Variants in RPS6KA2 observed in about 807,000 individuals in gnomAD.
The protein encoded by RPS6KA2 is ribosomal protein S6 kinase A2, also known as ribosomal protein S6 kinase alpha-2.
In RPS6KA2, 42 loss-of-function variants were observed where a neutral mutation model predicts 91.8. The observed-to-expected ratio is 0.46, with a 90% CI of 0.36 to 0.59. RPS6KA2 has a LOEUF of 0.59. Ranked by LOEUF, RPS6KA2 falls within the 20% of genes least tolerant of loss-of-function variation. The probability of loss-of-function intolerance (pLI) is 0.00; values close to 1 mark genes in which losing one functional copy is unlikely to be tolerated. For synonymous variants in RPS6KA2, 414 were observed against 393.6 expected (o/e 1.05, Z -0.61); for missense variants, 798 against 978.5 (o/e 0.82, Z 2.46).
rs549196497 is a variant in RPS6KA2 at position 166,841,179 on chromosome 6, G to A, written c.123+17021C>T. 3.3e-5 allele frequency among the ~76,000 whole-genome samples: 5 copies of A among 151,640 alleles called. No homozygotes were observed. The South Asian group carries it at 1.0e-3, about 32-fold the overall frequency. ...TCAGGAGGCTGAGGCAGGAGGATCA[G>A]CAGAGCCCAGGAAGTTGAGGGTGAG... On this transcript the variant is annotated intron_variant, in intron 2 of 21. Transcript: ENST00000503859.
chr6:166,659,246 C>G (rs1030171552), intron 2 of RPS6KA2, among the ~76,000 whole-genome samples: 3 of 152,056 alleles, frequency 2.0e-5, no homozygotes, highest in African/African-American at 7.2e-5. Flanking sequence ...AATTAAAAAC[C>G]AAAATTAAAA....
chr6:166,588,009 A>G (rs2128519937), intron 1 of RPS6KA2, among the ~76,000 whole-genome samples: 1 of 152,336 alleles, frequency 6.6e-6, no homozygotes, highest in African/African-American at 2.4e-5. Flanking sequence ...TGCAGCATAA[A>G]ATGAATGAAA....
At chr6:166,833,401 A>G (rs1780236181) in intron 2 of RPS6KA2, among the ~76,000 whole-genome samples, 1 of 152,258 alleles carries the variant, frequency 6.6e-6, no homozygotes, top group Non-Finnish European at 1.5e-5. Flanking sequence ...AGTCAGATTT[A>G]TTGAAGTTTA....
At chr6:166,575,461 T>C (rs534524892) in intron 1 of RPS6KA2, among the ~76,000 whole-genome samples, 4 of 152,322 alleles carry the variant, frequency 2.6e-5, no homozygotes, top group Non-Finnish European at 4.4e-5. Flanking sequence ...ATTGTGTTTA[T>C]CGTGTGAGGC....
At chr6:166,706,854 G>A (rs762959906) in intron 2 of RPS6KA2, among the ~76,000 whole-genome samples, 1 of 152,224 alleles carries the variant, frequency 6.6e-6, no homozygotes, top group Non-Finnish European at 1.5e-5. Context: ...TATTAAACAA[G>A]AAGAGTCTTA....
chr6:166,597,242 G>A (rs2128524209), intron 1 of RPS6KA2, among the ~76,000 whole-genome samples: 1 of 152,368 alleles, frequency 6.6e-6, no homozygotes, highest in Middle Eastern at 3.4e-3. Context: ...AGAGGGCAGA[G>A]CTGGTGGCGA....
rs541483170 is a variant in RPS6KA2, at chr6:166,740,574, A to T, written c.123+117626T>A. ...GAATAGCTTCTTTAAAAAATTCAAA[A>T]TAAAAGCACAAAAATATTGAAAGTT... On this transcript the variant is annotated intron_variant, in intron 2 of 21. Coordinates refer to the RPS6KA2 transcript ENST00000503859. Among the ~76,000 whole-genome samples, 14 of 152,370 alleles carry T rather than the reference A, an allele frequency of 9.2e-5. No individual in the cohort carries two copies. In the East Asian group the frequency reaches 2.7e-3, roughly 29 times the overall value.
In RPS6KA2 at chr6:166,798,079, C is replaced by T. The variant is rs945730276; in HGVS notation, c.123+60121G>A. Among the ~76,000 whole-genome samples, 7 of 152,196 alleles carry T rather than the reference C, an allele frequency of 4.6e-5. No homozygotes were observed. The South Asian group carries it at 1.4e-3, about 31-fold the overall frequency. On this transcript the variant is annotated intron_variant, in intron 2 of 21. Coordinates refer to the RPS6KA2 transcript ENST00000503859. ...CCATGAGAACCAACCAGAGATCAAA[C>T]AGAGCAAAATCGAATATGCGATAAT...
At chr6:166,570,015 T>G (rs1784636214) in intron 1 of RPS6KA2, among the ~76,000 whole-genome samples, 1 of 152,188 alleles carries the variant, frequency 6.6e-6, no homozygotes, top group South Asian at 2.1e-4. Flanking sequence ...AACTCTGAAC[T>G]AAAGTACTGT....
intron 2 of RPS6KA2, among the ~76,000 whole-genome samples, chr6:166,673,158 G>A (rs182050860): frequency 1.3e-5 from 2 of 152,256 alleles, no homozygotes; most frequent in East Asian, 3.9e-4. Context: ...TGTCACGTAT[G>A]TGCCTGTGGA....
intron 2 of RPS6KA2, among the ~76,000 whole-genome samples, chr6:166,641,764 A>AAAAAAAAAAAAAAAAAAAAAAAAAG: frequency 7.1e-6 from 1 of 140,134 alleles, no homozygotes; most frequent in Non-Finnish European, 1.5e-5. Context: ...AAAAAAAAAA[A>AAAAAAAAAAAAAAAAAAAAAAAAAG]TTCAATAGAT....
intron 3 of RPS6KA2, among the ~76,000 whole-genome samples, chr6:166,523,247 A>G (rs1490685008): frequency 6.6e-6 from 1 of 152,256 alleles, no homozygotes; most frequent in African/African-American, 2.4e-5. Flanking sequence ...AAAGGGCTTG[A>G]GAAAGACAGA....
intron 2 of RPS6KA2, among the ~76,000 whole-genome samples, chr6:166,759,776 C>T (rs993965697): frequency 2.7e-4 from 41 of 152,332 alleles, no homozygotes; most frequent in South Asian, 4.1e-4. Flanking sequence ...TACCGTCTAC[C>T]GCTGGCTGCA....
intron 2 of RPS6KA2, chr6:166,701,034 T>C (rs1008092919): frequency 3.9e-6 from 5 of 1,270,036 alleles, no homozygotes; most frequent in Non-Finnish European, 5.8e-6. Context: ...GCCTGTCTGT[T>C]TGTTAAGCAA....
chr6:166,581,536 T>C (rs1175548511), intron 1 of RPS6KA2, among the ~76,000 whole-genome samples: 3 of 152,196 alleles, frequency 2.0e-5, no homozygotes, highest in Admixed American at 2.0e-4. Context: ...GGACCAGGCA[T>C]GGCAGCCTGT....
chr6:166,562,030 G>A (rs1287872198), intron 1 of RPS6KA2, among the ~76,000 whole-genome samples: 1 of 152,156 alleles, frequency 6.6e-6, no homozygotes, highest in Non-Finnish European at 1.5e-5. Flanking sequence ...AGGCATTGCT[G>A]GCTCATGTTT....
chr6:166,487,661 T>C (rs1781456757), intron 10 of RPS6KA2, among the ~76,000 whole-genome samples: 2 of 152,258 alleles, frequency 1.3e-5, no homozygotes, highest in African/African-American at 4.8e-5. Context: ...GATAAAAATC[T>C]GGATTAGAAG....
intron 2 of RPS6KA2, among the ~76,000 whole-genome samples, chr6:166,762,745 C>CT (rs1001472755): frequency 3.3e-5 from 5 of 152,190 alleles, no homozygotes; most frequent in African/African-American, 1.2e-4. Flanking sequence ...ACGACCTTCA[C>CT]TTCTGCCCCG....
At chr6:166,590,669 C>T (rs1404531029) in intron 1 of RPS6KA2, among the ~76,000 whole-genome samples, 1 of 152,178 alleles carries the variant, frequency 6.6e-6, no homozygotes, top group African/African-American at 2.4e-5. Context: ...TGTTAATGGG[C>T]TTTCCTGCAG....
Sources: allele counts gnomAD v4.1 joint callset (sites outside exome capture counted in the v4.1 genomes callset), GRCh38; gene constraint gnomAD v4.1.1; transcripts MANE v1.5; gene names NCBI Gene and HGNC (gene_info 2026-07-23, HGNC 2026-07-21).